The following JAKMIP3 variants were observed in gnomAD, a reference collection of about 807,000 sequenced individuals.
JAKMIP3 encodes the protein Janus kinase and microtubule interacting protein 3.
JAKMIP3 carries 58 observed loss-of-function variants against 118.5 expected under a neutral mutation model. The ratio of observed to expected loss-of-function variants is 0.49; its 90% CI spans 0.40 to 0.61. The LOEUF is 0.61. Ranked by LOEUF, JAKMIP3 falls within the 20% of genes least tolerant of loss-of-function variation. The pLI, the probability that JAKMIP3 is intolerant of heterozygous loss-of-function variation, is 0.00. For synonymous variants in JAKMIP3, 486 were observed against 451.2 expected (o/e 1.08, Z -0.98); for missense variants, 950 against 1,109.0 (o/e 0.86, Z 2.04).
chr10:132,064,384 C>T (rs2038536524), upstream of JAKMIP3, among the ~76,000 whole-genome samples: 1 of 152,192 alleles, frequency 6.6e-6, no homozygotes, highest in South Asian at 2.1e-4. The surrounding 1 kb of genome is among the most constrained non-coding windows in gnomAD (Gnocchi z 4.4). Context: ...GAAGGTTGTC[C>T]CCGTGGCCTG....
At chr10:132,122,046 A>G (rs2048622959) in intron 3 of JAKMIP3, among the ~76,000 whole-genome samples, 1 of 152,064 alleles carries the variant, frequency 6.6e-6, no homozygotes, top group South Asian at 2.1e-4. Flanking sequence ...TTTGTTCACT[A>G]CTCAGTCCCC....
In JAKMIP3 at chr10:132,040,638, CT is replaced by C. The variant is rs34272105; in HGVS notation, c.-138+3913del. Among the ~76,000 whole-genome samples, 991 of 146,338 alleles carry C rather than the reference CT, an allele frequency of 6.8e-3. 7 individuals are homozygous for C. Among genetic ancestry groups the C allele is most frequent in the African/African-American group, 0.02 (801 of 39,804 alleles). Reference sequence around the variant, plus strand: ...ACAATTGTGAACCACTCCCGATGAGCTTTTTTTTTTTTTCATTTTCATTTTT... The same window carrying C: ...ACAATTGTGAACCACTCCCGATGAGCTTTTTTTTTTTTCATTTTCATTTTT... On this transcript the variant is annotated intron_variant, in intron 1 of 23. Transcript: ENST00000657785.
chr10:132,036,835 G>A (rs1042301369), intron 1 of JAKMIP3, among the ~76,000 whole-genome samples: 20 of 151,828 alleles, frequency 1.3e-4, no homozygotes, highest in Non-Finnish European at 1.9e-4. Context: ...GGCGGCCGTG[G>A]GGCGGGCGGG....
Position 132,153,081 on chromosome 10 carries a change from TGCTCA to T in JAKMIP3, c.2073+65_2073+69del, listed in dbSNP as rs374868752. 12 of 1,398,058 alleles carry T rather than the reference TGCTCA, an allele frequency of 8.6e-6. No homozygotes were observed. In the African/African-American group the frequency reaches 9.9e-5, roughly 12 times the overall value. 86.6% of individuals were successfully genotyped at this position (1,398,058 alleles called of 1,614,324 possible). On this transcript the variant is annotated intron_variant, in intron 17 of 23. Transcript: ENST00000684848. ...GCCGGGCTCCTGGGGTCTCCTGCCC[TGCTCA>T]GCTCAGAGGTGGTGATCTCGGGAGG...
At chr10:132,058,059 T>C (rs1402477977) in intron 1 of JAKMIP3, among the ~76,000 whole-genome samples, 1 of 152,172 alleles carries the variant, frequency 6.6e-6, no homozygotes, top group Admixed American at 6.5e-5. Flanking sequence ...CTTCCCTCAA[T>C]TAAGGGACTG....
At chr10:132,079,058 AC>A (rs1371212870) in intron 1 of JAKMIP3, among the ~76,000 whole-genome samples, 1 of 146,130 alleles carries the variant, frequency 6.8e-6, no homozygotes, top group Non-Finnish European at 1.5e-5. Flanking sequence ...CTCTCCTGGC[AC>A]CTGCGGCTTC....
intron 16 of JAKMIP3, among the ~76,000 whole-genome samples, chr10:132,151,520 C>T (rs1279859780): frequency 6.6e-6 from 1 of 152,230 alleles, no homozygotes; most frequent in East Asian, 1.9e-4. Context: ...CGAAGAGCCA[C>T]AGCAGGGTGG....
chr10:132,037,814 T>C (rs2037561605), intron 1 of JAKMIP3, among the ~76,000 whole-genome samples: 1 of 152,192 alleles, frequency 6.6e-6, no homozygotes, highest in African/African-American at 2.4e-5. Flanking sequence ...TGGGCTTCAG[T>C]TGCCTGGGCC....
At chr10:132,104,187 G>A (rs540302768) in intron 1 of JAKMIP3, among the ~76,000 whole-genome samples, 13 of 152,252 alleles carry the variant, frequency 8.5e-5, no homozygotes, top group Middle Eastern at 3.4e-3. Flanking sequence ...TGAGCTGGGC[G>A]TGCGCTTCTG....
At position 132,078,585 on chromosome 10, in the gene JAKMIP3, C is replaced by G. The variant is rs1424298817; in HGVS notation, c.-138+12524C>G. 2.8e-5 allele frequency among the ~76,000 whole-genome samples: 4 copies of G among 145,424 alleles called. No individual in the cohort carries two copies. The Admixed American group carries it at 2.8e-4, about 10-fold the overall frequency. ...CCATTCCCTGCGCATAACACGCCCC[C>G]TTTCCCACTGAGCCCAGGGACCTTC... On this transcript the variant is annotated intron_variant, in intron 1 of 23. Coordinates refer to ENST00000684848, the MANE Select transcript of JAKMIP3 (RefSeq NM_001323087.2).
chr10:132,078,623 G>GGGGGT (rs2041231328), intron 1 of JAKMIP3, among the ~76,000 whole-genome samples: 1 of 95,800 alleles, frequency 1.0e-5, no homozygotes, highest in African/African-American at 5.4e-5. Flanking sequence ...TGGGGGCGGG[G>GGGGGT]GGGGGGGGGG....
chr10:132,079,746 T>TC (rs1033859082), intron 1 of JAKMIP3, among the ~76,000 whole-genome samples: 1 of 152,166 alleles, frequency 6.6e-6, no homozygotes, highest in Non-Finnish European at 1.5e-5. Context: ...GCTCCTCACT[T>TC]CCCCTCGTCC....
chr10:132,140,314 T>A, intron 9 of JAKMIP3, 137 bp from the exon 10 acceptor site: 3 of 1,144,834 alleles, frequency 2.6e-6, no homozygotes, highest in Non-Finnish European at 2.4e-6. Context: ...CTCCTCGGCC[T>A]GTGCCAGGGA....
chr10:132,079,281 T>C (rs772175668), intron 1 of JAKMIP3, among the ~76,000 whole-genome samples: 3 of 152,232 alleles, frequency 2.0e-5, no homozygotes, highest in Admixed American at 6.5e-5. Context: ...GATGGGTCCA[T>C]TTGCTGCCTC....
chr10:132,180,904 A>G (rs1462438101), intron 23 of JAKMIP3, among the ~76,000 whole-genome samples: 1 of 151,850 alleles, frequency 6.6e-6, no homozygotes, highest in East Asian at 1.9e-4. Flanking sequence ...TGTGTTGTGC[A>G]TTGCATGTGC....
intron 16 of JAKMIP3, among the ~76,000 whole-genome samples, chr10:132,151,671 A>C (rs1452424722): frequency 3.3e-5 from 5 of 152,138 alleles, no homozygotes; most frequent in Non-Finnish European, 5.9e-5. Context: ...GAGCTGATGT[A>C]GTGGCAGAGT....
rs980140231 is a variant in JAKMIP3 at position 132,168,668 on chromosome 10, G to T, written c.*738G>T. ...CCTGAGACAGGAAGGCCAAGATCCC[G>T]CCCAAGCCGCCAGCTGGGAGCACCG... On this transcript the variant is annotated 3_prime_UTR_variant, in exon 23 of 24. Transcript: ENST00000684848. 6 of 323,666 alleles carry T rather than the reference G, an allele frequency of 1.9e-5. No individual in the cohort carries two copies. Among genetic ancestry groups the T allele is most frequent in the African/African-American group, 1.1e-4 (5 of 45,100 alleles). The allele number at this position is 323,666 out of a possible 1,614,324, so 20.0% of individuals were successfully genotyped here. A position where few individuals can be genotyped will look rare whatever the true frequency, so the allele number is the denominator to read the frequency against.
chr10:132,150,543 T>C (rs1339628887), intron 16 of JAKMIP3, among the ~76,000 whole-genome samples: 1 of 152,158 alleles, frequency 6.6e-6, no homozygotes, highest in Non-Finnish European at 1.5e-5. Context: ...AATCCTCTGC[T>C]CTCCATCCAT....
Position 132,104,847 on chromosome 10 carries a change from C to G in JAKMIP3, c.39C>G (p.Asp13Glu), listed in dbSNP as rs771299481. 1 of 1,555,612 alleles carries G rather than the reference C, an allele frequency of 6.4e-7. No individual in the cohort carries two copies. ...GCATGAGCAGCCGGGCCAAGGGGGA[C>G]AAGGCAGAGGCCCTCGCGGCGCTGC... is the stretch of plus-strand genomic sequence containing the variant. Reference protein sequence around the residue: ...KRGMSSRAKGDKAEALAALQA... With the variant: ...KRGMSSRAKGEKAEALAALQA... Residue 13 changes from aspartate to glutamate, a missense_variant, in exon 2 of 24, where the codon GAC (aspartate) becomes GAG (glutamate). Coordinates refer to ENST00000684848, the MANE Select transcript of JAKMIP3 (RefSeq NM_001323087.2).
Sources: gnomAD v4.1 joint callset for allele counts (sites outside exome capture counted in the v4.1 genomes callset) on GRCh38, gnomAD v4.1.1 for gene constraint, Gnocchi (gnomAD v3.1) non-coding constraint, MANE v1.5 for transcripts, NCBI Gene and HGNC (gene_info 2026-07-23, HGNC 2026-07-21) for gene names.